The following DNAJC3 variants were observed in gnomAD, a reference collection of about 807,000 sequenced individuals.
DNAJC3 encodes the protein DnaJ heat shock protein family (Hsp40) member C3.
DNAJC3 carries 38 observed loss-of-function variants against 68.6 expected under a neutral mutation model. The ratio of observed to expected loss-of-function variants is 0.55; its 90% CI spans 0.43 to 0.73. DNAJC3 has a LOEUF of 0.73. Among genes scored for constraint, DNAJC3 ranks in the 30% least tolerant of loss-of-function variants. The probability of loss-of-function intolerance (pLI) is 0.00; values close to 1 mark genes in which losing one functional copy is unlikely to be tolerated. For missense variants in DNAJC3, 526 were observed against 591.9 expected (o/e 0.89, Z 1.16); for synonymous variants, 203 against 204.0 (o/e 1.00, Z 0.04).
chr13:95,759,507 T>C (rs998428285), intron 5 of DNAJC3, among the ~76,000 whole-genome samples: 1 of 152,134 alleles, frequency 6.6e-6, no homozygotes, highest in Non-Finnish European at 1.5e-5. Context: ...AGAGATGAGA[T>C]CTTGCTTTGC....
chr13:95,714,063 A>G (rs937722697), intron 2 of DNAJC3, among the ~76,000 whole-genome samples: 28 of 152,238 alleles, frequency 1.8e-4, no homozygotes, highest in Non-Finnish European at 2.9e-5. Context: ...AGGTATTAGA[A>G]AAATATGGCT....
chr13:95,779,403 C>A (rs752906130), intron 9 of DNAJC3, among the ~76,000 whole-genome samples: 5 of 152,172 alleles, frequency 3.3e-5, no homozygotes, highest in Middle Eastern at 3.2e-3. Flanking sequence ...GGATTACAGG[C>A]ATGAGCCATC....
intron 4 of DNAJC3, among the ~76,000 whole-genome samples, chr13:95,748,636 C>G (rs963421636): frequency 6.6e-6 from 1 of 152,080 alleles, no homozygotes; most frequent in Admixed American, 6.6e-5. Context: ...GCCAACATGG[C>G]GAAACCCTGT....
intron 9 of DNAJC3, among the ~76,000 whole-genome samples, chr13:95,767,685 T>C (rs1883030411): frequency 6.6e-6 from 1 of 150,778 alleles, no homozygotes; most frequent in African/African-American, 2.5e-5. Flanking sequence ...GTCAACAGTT[T>C]TTTGGGTTTT....
intron 2 of DNAJC3, among the ~76,000 whole-genome samples, chr13:95,712,069 A>G (rs1193716253): frequency 2.6e-5 from 4 of 152,350 alleles, no homozygotes; most frequent in African/African-American, 9.6e-5. Flanking sequence ...TTGGTTTGGC[A>G]TTCAAAAGTC....
In DNAJC3 at chr13:95,726,137, G is replaced by A. The variant is rs573981482; in HGVS notation, c.393+885G>A. Among the ~76,000 whole-genome samples, 95 of 151,914 alleles carry A rather than the reference G, an allele frequency of 6.3e-4. 3 individuals are homozygous for A. The South Asian group carries it at 8.5e-3, about 14-fold the overall frequency. On this transcript the variant is annotated intron_variant, in intron 4 of 11. Coordinates refer to ENST00000602402, the MANE Select transcript of DNAJC3 (RefSeq NM_006260.5). Reference sequence around the variant, plus strand: ...GTGAATAGTGCCGCAATAAACATACGTGTGCATGTGTCTTTATAGCAGCAT... The same window carrying A: ...GTGAATAGTGCCGCAATAAACATACATGTGCATGTGTCTTTATAGCAGCAT...
At chr13:95,715,473 G>A (rs9561939) in intron 2 of DNAJC3, among the ~76,000 whole-genome samples, 79,707 of 151,210 alleles carry the variant, frequency 0.53, 21,109 homozygotes, top group East Asian at 0.64. Flanking sequence ...ACACATCATA[G>A]TTTCTTTTTC....
chr13:95,791,116 C>A lies in DNAJC3; in HGVS notation c.*86C>A. ...CCGGGACCCTAATGAAAAAAAATTT[C>A]AAATCTTTTCAGTTTGTCCATGACC... On this transcript the variant is annotated 3_prime_UTR_variant, in exon 12 of 12. Coordinates refer to ENST00000602402, the MANE Select transcript of DNAJC3 (RefSeq NM_006260.5). 6.7e-7 allele frequency: 1 copy of A among 1,482,916 alleles called. No homozygotes were observed. The highest frequency in any genetic ancestry group is 9.2e-7 in the Non-Finnish European group (1 of 1,085,526). The allele number at this position is 1,482,916 out of a possible 1,614,324, so 91.9% of individuals were successfully genotyped here.
chr13:95,775,987 T>C (rs191426650), intron 9 of DNAJC3, among the ~76,000 whole-genome samples: 1 of 150,706 alleles, frequency 6.6e-6, no homozygotes. Flanking sequence ...GATACTCTTT[T>C]TATATATATA....
At chr13:95,690,749 C>T (rs1326741486) in intron 1 of DNAJC3, among the ~76,000 whole-genome samples, 4 of 145,612 alleles carry the variant, frequency 2.7e-5, no homozygotes, top group African/African-American at 7.7e-5. Context: ...CGGGCAGAGG[C>T]GCCCCTCACT....
chr13:95,712,342 A>G (rs1880997107), intron 2 of DNAJC3, among the ~76,000 whole-genome samples: 1 of 149,868 alleles, frequency 6.7e-6, no homozygotes, highest in Non-Finnish European at 1.5e-5. Context: ...TGTAATCAAC[A>G]TTCTGCTAGA....
At chr13:95,780,240 G>T (rs1320528699) in intron 9 of DNAJC3, among the ~76,000 whole-genome samples, 1 of 152,176 alleles carries the variant, frequency 6.6e-6, no homozygotes, top group African/African-American at 2.4e-5. Flanking sequence ...CACCAAAGGG[G>T]TGTGTGTTTT....
chr13:95,766,377 C>T (rs1366856824), intron 9 of DNAJC3, among the ~76,000 whole-genome samples: 2 of 152,106 alleles, frequency 1.3e-5, no homozygotes, highest in Non-Finnish European at 2.9e-5. Context: ...CTCTTCAGAT[C>T]GCTACATGTC....
intron 9 of DNAJC3, among the ~76,000 whole-genome samples, chr13:95,781,564 G>C (rs1466086164): frequency 1.3e-5 from 2 of 152,130 alleles, no homozygotes; most frequent in African/African-American, 2.4e-5. Context: ...GTGGCAAGGA[G>C]GGTAGGCAAA....
rs1593990468 is a variant in DNAJC3, at chr13:95,735,749, A to C, written c.393+10497A>C. Among the ~76,000 whole-genome samples the C allele has an allele frequency of 2.6e-5, 4 of 151,640 alleles. No homozygotes were observed. In the East Asian group the frequency reaches 7.8e-4, roughly 29 times the overall value. Reference sequence around the variant, plus strand: ...CTTTGTCAGATGAGTAGGTTGCAAAAATTTTCTCCCATTTTGTAGGTTGCC... The same window carrying C: ...CTTTGTCAGATGAGTAGGTTGCAAACATTTTCTCCCATTTTGTAGGTTGCC... On this transcript the variant is annotated intron_variant, in intron 4 of 11. Coordinates refer to ENST00000602402, the MANE Select transcript of DNAJC3 (RefSeq NM_006260.5).
At chr13:95,772,199 A>G (rs989084438) in intron 9 of DNAJC3, among the ~76,000 whole-genome samples, 3 of 152,192 alleles carry the variant, frequency 2.0e-5, no homozygotes, top group African/African-American at 7.2e-5. Flanking sequence ...TCCACTATAA[A>G]AAAGCAGAAA....
At chr13:95,678,264 G>A (rs1448288256) in intron 1 of DNAJC3, among the ~76,000 whole-genome samples, 2 of 152,190 alleles carry the variant, frequency 1.3e-5, no homozygotes, top group Non-Finnish European at 2.9e-5. Context: ...AAAAGGGCTA[G>A]TTGTCAAGGA....
intron 1 of DNAJC3, among the ~76,000 whole-genome samples, chr13:95,684,033 A>G (rs146646617): frequency 4.3e-4 from 65 of 152,224 alleles, no homozygotes; most frequent in African/African-American, 1.4e-3. Flanking sequence ...GGGCATTGCT[A>G]TAAAGATACC....
At chr13:95,761,639 A>T (rs1882823626) in intron 7 of DNAJC3, among the ~76,000 whole-genome samples, 1 of 152,174 alleles carries the variant, frequency 6.6e-6, no homozygotes, top group East Asian at 1.9e-4. Context: ...CCTTATAGCC[A>T]CACCTACTTC....
Sources: gnomAD v4.1 joint callset for allele counts (sites outside exome capture counted in the v4.1 genomes callset) on GRCh38, gnomAD v4.1.1 for gene constraint, MANE v1.5 for transcripts, NCBI Gene and HGNC (gene_info 2026-07-23, HGNC 2026-07-21) for gene names.